Variants in ZNF746 observed in about 807,000 individuals in gnomAD.
The protein encoded by ZNF746 is parkin-interacting substrate.
ZNF746 carries 13 observed loss-of-function variants against 41.0 expected under a neutral mutation model. The ratio of observed to expected loss-of-function variants is 0.32; its 90% CI spans 0.21 to 0.50. The LOEUF is 0.50. Among genes scored for constraint, ZNF746 ranks in the 20% least tolerant of loss-of-function variants. The pLI is 0.98. For missense variants in ZNF746, 811 were observed against 922.9 expected, an observed-to-expected ratio of 0.88 and a Z score of 1.57; for synonymous variants, 424 against 396.2, an observed-to-expected ratio of 1.07 and a Z score of -0.83.
chr7:149,483,865 A>G (rs1347560096), intron 4 of ZNF746, among the ~76,000 whole-genome samples: 4 of 152,224 alleles, frequency 2.6e-5, no homozygotes, highest in Non-Finnish European at 5.9e-5. Context: ...CCAATAACCA[A>G]TTGGAAGAAT....
At chr7:149,479,876 G>A (rs563101848) in intron 4 of ZNF746, among the ~76,000 whole-genome samples, 1 of 152,196 alleles carries the variant, frequency 6.6e-6, no homozygotes, top group African/African-American at 2.4e-5. Context: ...CTTCAGGCTG[G>A]GTGACAAGGT....
chr7:149,497,674 C>G lies in ZNF746; in HGVS notation c.-138G>C, dbSNP rs1282949213. ...TTCCTCTGCCGCCGCTCCTCGCTGG[C>G]TGCCCCTGCGCCGCGCCGCCCGCAG... is the stretch of plus-strand genomic sequence containing the variant. On this transcript the variant is annotated 5_prime_UTR_variant, in exon 1 of 7. Coordinates refer to ENST00000458143, the MANE Select transcript of ZNF746 (RefSeq NM_001394198.1). The surrounding 1 kb of genome is among the most constrained non-coding windows in gnomAD (Gnocchi z 4.2). 1.6e-6 allele frequency: 1 copy of G among 623,972 alleles called. No homozygotes were observed. Among genetic ancestry groups the G allele is most frequent in the Non-Finnish European group, 2.0e-6 (1 of 497,210 alleles). The allele number at this position is 623,972 out of a possible 1,614,324, so 38.7% of individuals were successfully genotyped here.
chr7:149,476,237 C>T (rs949245756), intron 6 of ZNF746, among the ~76,000 whole-genome samples: 1 of 143,300 alleles, frequency 7.0e-6, no homozygotes, highest in African/African-American at 2.6e-5. Context: ...GGCGTGAACC[C>T]GGAAGGCGGA....
At chr7:149,496,871 C>G in intron 1 of ZNF746, 1 of 985,454 alleles carries the variant, frequency 1.0e-6, no homozygotes, top group South Asian at 4.7e-5. Flanking sequence ...CACACAGCCA[C>G]TGTGTGTCTT....
intron 4 of ZNF746, among the ~76,000 whole-genome samples, chr7:149,478,351 G>T (rs910249523): frequency 6.6e-6 from 1 of 152,190 alleles, no homozygotes; most frequent in Non-Finnish European, 1.5e-5. Flanking sequence ...GTGAGATGGG[G>T]ACTAGGAAAA....
At chr7:149,481,929 A>G (rs1056291296) in intron 4 of ZNF746, among the ~76,000 whole-genome samples, 8 of 152,210 alleles carry the variant, frequency 5.3e-5, no homozygotes, top group African/African-American at 1.9e-4. Flanking sequence ...AAGAATGTGA[A>G]CCACATATCT....
At chr7:149,476,328 A>AAAG (rs1175685978) in intron 6 of ZNF746, among the ~76,000 whole-genome samples, 1 of 151,544 alleles carries the variant, frequency 6.6e-6, no homozygotes, top group Non-Finnish European at 1.5e-5. Flanking sequence ...AAAAAAAAAA[A>AAAG]AAAAAAAAAA....
intron 1 of ZNF746, among the ~76,000 whole-genome samples, chr7:149,496,321 A>G (rs557337375): frequency 6.6e-6 from 1 of 152,056 alleles, no homozygotes; most frequent in Admixed American, 6.5e-5. Flanking sequence ...TGCGCTGCTC[A>G]CTCCAGCCCA....
chr7:149,497,337 G>T lies in ZNF746; in HGVS notation c.24+176C>A. 1 of 981,882 alleles carries T rather than the reference G, an allele frequency of 1.0e-6. No individual in the cohort carries two copies. Among genetic ancestry groups the T allele is most frequent in the Non-Finnish European group, 1.2e-6 (1 of 826,920 alleles). The allele number at this position is 981,882 out of a possible 1,614,324, so 60.8% of individuals were successfully genotyped here. Reference sequence around the variant, plus strand: ...CGGGTTCGGCTCGGAGTGGGGGCCCGGCCGACGGGCGCAGTAGGCCCCGGC... The same window carrying T: ...CGGGTTCGGCTCGGAGTGGGGGCCCTGCCGACGGGCGCAGTAGGCCCCGGC... On this transcript the variant is annotated intron_variant, in intron 1 of 6. Transcript: ENST00000458143. The surrounding 1 kb of genome is among the most constrained non-coding windows in gnomAD (Gnocchi z 4.2).
In ZNF746 at chr7:149,497,136, T is replaced by C; in HGVS notation, c.24+377A>G. ...CACCTCCCAGGTGCCACCAGGCCGCTGCGGGGGAGATGGAGAGGGACCTAC... is the reference window on the plus strand; with the variant it reads ...CACCTCCCAGGTGCCACCAGGCCGCCGCGGGGGAGATGGAGAGGGACCTAC... On this transcript the variant is annotated intron_variant, in intron 1 of 6. Coordinates refer to ENST00000458143, the MANE Select transcript of ZNF746 (RefSeq NM_001394198.1). This position sits in a 1 kb window ranked among gnomAD's most constrained non-coding sequence, Gnocchi z 4.2. The C allele has an allele frequency of 1.0e-6, 1 of 984,880 alleles. No individual in the cohort carries two copies. The highest frequency in any genetic ancestry group is 1.7e-5 in the African/African-American group (1 of 57,190). The allele number at this position is 984,880 out of a possible 1,614,324, so 61.0% of individuals were successfully genotyped here.
rs756247448 is a variant in ZNF746, at chr7:149,474,530, G to C, written c.1837C>G (p.Arg613Gly). The C allele has an allele frequency of 1.5e-5, 24 of 1,606,224 alleles. No individual in the cohort carries two copies. The highest frequency in any genetic ancestry group is 2.0e-5 in the Non-Finnish European group (24 of 1,176,738). The change falls in exon 7 of 7, where the codon CGA becomes GGA. Residue 613 changes from arginine to glycine, a missense_variant. Around this residue, in one of 4 missense-constraint regions of ZNF746, gnomAD observed 99 missense variants for 80.3 expected, o/e 1.23. Transcript: ENST00000458143. The surrounding 1 kb of genome is among the most constrained non-coding windows in gnomAD (Gnocchi z 6.3). ...NHAAGAKTPARGQPLPTPPAP... is the reference protein window; with the variant it reads ...NHAAGAKTPAGGQPLPTPPAP... Reference sequence around the variant, plus strand: ...GGCGGCGTCGGGAGTGGCTGGCCTCGGGCCGGGGTCTTGGCGCCCGCTGCA... The same window carrying C: ...GGCGGCGTCGGGAGTGGCTGGCCTCCGGCCGGGGTCTTGGCGCCCGCTGCA...
At chr7:149,495,048 T>C (rs1800950039) in intron 1 of ZNF746, among the ~76,000 whole-genome samples, 1 of 152,214 alleles carries the variant, frequency 6.6e-6, no homozygotes, top group African/African-American at 2.4e-5. Context: ...CAATTTCTTT[T>C]TTCTTTTTTT....
rs1447702767 is a variant in ZNF746, at chr7:149,494,030, T to C, written c.410A>G (p.Lys137Arg). Reference protein sequence around the residue: ...KLEDWQKELYKHVMRGNYETL... With the variant: ...KLEDWQKELYRHVMRGNYETL... Reference sequence around the variant, plus strand: ...CTCGTAGTTGCCCCTCATCACGTGCTTGTAGAGCTCCTTCTGCCAGTCCTC... The same window carrying C: ...CTCGTAGTTGCCCCTCATCACGTGCCTGTAGAGCTCCTTCTGCCAGTCCTC... Residue 137 changes from lysine to arginine, a missense_variant, in exon 3 of 7, where the codon AAG (lysine) becomes AGG (arginine). Physicochemically the swap from Lys to Arg is conservative, Grantham distance 26. Around this residue, in one of 4 missense-constraint regions of ZNF746, gnomAD observed 147 missense variants for 233.4 expected, o/e 0.63. Coordinates refer to ENST00000458143, the MANE Select transcript of ZNF746 (RefSeq NM_001394198.1). This position sits in a 1 kb window ranked among gnomAD's most constrained non-coding sequence, Gnocchi z 5.6. The C allele has an allele frequency of 6.2e-7, 1 of 1,614,192 alleles. No individual in the cohort carries two copies. Among genetic ancestry groups the C allele is most frequent in the South Asian group, 1.1e-5 (1 of 91,086 alleles).
rs1485967353 is a variant in ZNF746, at chr7:149,474,330, G to T, written c.*54C>A. On this transcript the variant is annotated 3_prime_UTR_variant, in exon 7 of 7. Coordinates refer to ENST00000458143, the MANE Select transcript of ZNF746 (RefSeq NM_001394198.1). The surrounding 1 kb of genome is among the most constrained non-coding windows in gnomAD (Gnocchi z 6.3). ...AAGCTTCCACGCCGCCCTGCTGCCT[G>T]CACACGGGGCTTTTTACACGTGCGG... The T allele has an allele frequency of 2.6e-6, 4 of 1,554,144 alleles. No homozygotes were observed. In the African/African-American group the frequency reaches 5.4e-5, roughly 21 times the overall value.
chr7:149,474,175 C>T lies in ZNF746; in HGVS notation c.*209G>A. The stretch of plus-strand genomic sequence containing the variant: ...AATTAAATTACTTAAAATTCTACGG[C>T]GCTCCCATTTCACAGAGAATTCTAC... On this transcript the variant is annotated 3_prime_UTR_variant, in exon 7 of 7. Coordinates refer to ENST00000458143, the MANE Select transcript of ZNF746 (RefSeq NM_001394198.1). This position sits in a 1 kb window ranked among gnomAD's most constrained non-coding sequence, Gnocchi z 6.3. 3 of 557,268 alleles carry T rather than the reference C, an allele frequency of 5.4e-6. No homozygotes were observed. The highest frequency in any genetic ancestry group is 3.3e-5 in the Admixed American group (1 of 29,900). 34.5% of individuals were successfully genotyped at this position (557,268 alleles called of 1,614,324 possible). A position where few individuals can be genotyped will look rare whatever the true frequency, so the allele number is the denominator to read the frequency against.
intron 6 of ZNF746, 134 bp downstream of exon 6, chr7:149,476,788 C>T (rs1218354517): frequency 8.3e-7 from 1 of 1,210,786 alleles, no homozygotes; most frequent in African/African-American, 1.5e-5. Flanking sequence ...TGCAAAGGGT[C>T]ATAAGAGTGC....
intron 4 of ZNF746, among the ~76,000 whole-genome samples, chr7:149,485,442 C>G (rs972204210): frequency 6.6e-6 from 1 of 152,184 alleles, no homozygotes; most frequent in East Asian, 1.9e-4. Flanking sequence ...GAAAAAGAAG[C>G]AGGGTCTCCA....
intron 4 of ZNF746, chr7:149,488,771 C>T (rs1056219393): frequency 1.3e-5 from 2 of 152,148 alleles, no homozygotes; most frequent in African/African-American, 4.8e-5. Context: ...CATACAGTAA[C>T]GGAAGAGATG....
chr7:149,477,469 A>G, intron 5 of ZNF746, 95 bp downstream of exon 5: 1 of 1,376,220 alleles, frequency 7.3e-7, no homozygotes, highest in Non-Finnish European at 1.0e-6. Context: ...GGAAGTGTTG[A>G]GGGCCCACAG....
Sources: gnomAD v4.1 joint callset for allele counts (sites outside exome capture counted in the v4.1 genomes callset) on GRCh38, gnomAD v4.1.1 for gene constraint, gnomAD v4.1.1 regional missense constraint, Gnocchi (gnomAD v3.1) non-coding constraint, MANE v1.5 for transcripts, NCBI Gene and HGNC (gene_info 2026-07-23, HGNC 2026-07-21) for gene names.